Variants in ROCK2 observed in about 807,000 individuals in gnomAD.
ROCK2 encodes Rho associated coiled-coil containing protein kinase 2.
A neutral mutation model predicts 195.1 loss-of-function variants in ROCK2; 61 were observed. The ratio of observed to expected loss-of-function variants is 0.31; its 90% confidence interval spans 0.25 to 0.39. The LOEUF (loss-of-function observed/expected upper bound fraction) is 0.39, where lower values mean the gene tolerates loss of function less well. Among genes scored for constraint, ROCK2 ranks in the 10% least tolerant of loss-of-function variants. ROCK2 has a pLI of 1.00. For synonymous variants in ROCK2, 504 were observed against 545.5 expected, an observed-to-expected ratio of 0.92 and a Z score of 1.06; for missense variants, 1,109 against 1,637.4, an observed-to-expected ratio of 0.68 and a Z score of 5.57.
intron 3 of ROCK2, among the ~76,000 whole-genome samples, chr2:11,255,389 A>C (rs1665994622): frequency 6.6e-6 from 1 of 150,920 alleles, no homozygotes; most frequent in Non-Finnish European, 1.5e-5. Context: ...CAGAGTCTCT[A>C]CCATACATCC....
intron 13 of ROCK2, 59 bp downstream of exon 13, chr2:11,216,099 G>C: frequency 1.5e-6 from 2 of 1,341,946 alleles, no homozygotes; most frequent in South Asian, 2.3e-5. Context: ...CCTTAGGTAA[G>C]TCAGACATCA....
At chr2:11,221,647 CAG>C (rs1664641755) in intron 8 of ROCK2, among the ~76,000 whole-genome samples, 1 of 152,092 alleles carries the variant, frequency 6.6e-6, no homozygotes, top group Non-Finnish European at 1.5e-5. Flanking sequence ...AATCTCGAAA[CAG>C]AAATATTTCT....
intron 6 of ROCK2, among the ~76,000 whole-genome samples, 153 bp downstream of exon 6, chr2:11,227,101 T>C (rs564549774): frequency 6.6e-6 from 1 of 152,256 alleles, no homozygotes; most frequent in South Asian, 2.1e-4. Flanking sequence ...CAATTAACAG[T>C]CTGCCCTATC....
intron 1 of ROCK2, among the ~76,000 whole-genome samples, chr2:11,295,964 A>AT: frequency 1.2e-5 from 1 of 85,390 alleles, no homozygotes; most frequent in Non-Finnish European, 2.6e-5. Context: ...CTCAAAAAAC[A>AT]AAAGAGAGAG....
rs1275551589 is a variant in ROCK2, at chr2:11,235,626, T to C, written c.723+76A>G. 6.2e-6 allele frequency: 9 copies of C among 1,458,182 alleles called. No homozygotes were observed. Among genetic ancestry groups the C allele is most frequent in the East Asian group, 2.3e-5 (1 of 43,880 alleles). The allele number at this position is 1,458,182 out of a possible 1,614,324, so 90.3% of individuals were successfully genotyped here. A position where few individuals can be genotyped will look rare whatever the true frequency, so the allele number is the denominator to read the frequency against. On this transcript the variant is annotated intron_variant, in intron 5 of 32. Transcript: ENST00000315872. This position sits in a 1 kb window ranked among gnomAD's most constrained non-coding sequence, Gnocchi z 4.2. ...CTAAATTTACCTTTGTTCAAAACTATGAAGACCTGACTTAAAGTATTTCAT... is the reference window on the plus strand; with the variant it reads ...CTAAATTTACCTTTGTTCAAAACTACGAAGACCTGACTTAAAGTATTTCAT...
intron 3 of ROCK2, among the ~76,000 whole-genome samples, chr2:11,255,216 CA>C (rs70953375): frequency 0.014 from 1,486 of 109,120 alleles, 27 homozygotes; most frequent in African/African-American, 0.046. Flanking sequence ...GACCCCATCT[CA>C]AAAAAAAAAA....
At chr2:11,184,011 A>G (rs1663102389) in intron 32 of ROCK2, among the ~76,000 whole-genome samples, 1 of 152,220 alleles carries the variant, frequency 6.6e-6, no homozygotes, top group Admixed American at 6.5e-5. Context: ...AAATCCTTCT[A>G]TGTAAAAGGT....
At chr2:11,202,019 T>G (rs756802318) in intron 21 of ROCK2, 33 bp downstream of exon 21, 7 of 1,533,086 alleles carry the variant, frequency 4.6e-6, no homozygotes, top group Middle Eastern at 3.4e-4. Flanking sequence ...AAACTCTGTT[T>G]GCTATTTGCA....
chr2:11,279,967 T>A (rs1045077700), intron 3 of ROCK2, among the ~76,000 whole-genome samples: 3 of 152,172 alleles, frequency 2.0e-5, no homozygotes, highest in African/African-American at 7.2e-5. Flanking sequence ...GAAATTAAAA[T>A]ATATTTTGAA....
Position 11,344,251 on chromosome 2 carries a change from C to A in ROCK2, c.-115G>T. ...CCGGGACTCCACCCGGGCCCACCGCCTGCCTCTAGCTCCGGCTTCGGGTCT... is the reference window on the plus strand; with the variant it reads ...CCGGGACTCCACCCGGGCCCACCGCATGCCTCTAGCTCCGGCTTCGGGTCT... On this transcript the variant is annotated 5_prime_UTR_variant, in exon 1 of 33. The change creates a new upstream start codon in the 5' untranslated region. Transcript: ENST00000315872. The surrounding 1 kb of genome is among the most constrained non-coding windows in gnomAD (Gnocchi z 5.4). The A allele has an allele frequency of 7.7e-7, 1 of 1,304,748 alleles. No individual in the cohort carries two copies. The highest frequency in any genetic ancestry group is 3.2e-5 in the East Asian group (1 of 31,440). 80.8% of individuals were successfully genotyped at this position (1,304,748 alleles called of 1,614,324 possible).
chr2:11,241,454 A>C (rs1453452573), intron 4 of ROCK2, among the ~76,000 whole-genome samples: 1 of 152,140 alleles, frequency 6.6e-6, no homozygotes, highest in Non-Finnish European at 1.5e-5. Context: ...TAATGGCCTA[A>C]CTACCTCCAA....
intron 20 of ROCK2, 120 bp from the exon 21 acceptor site, chr2:11,202,241 G>T: frequency 1.3e-6 from 1 of 790,430 alleles, no homozygotes; most frequent in Non-Finnish European, 2.2e-6. Flanking sequence ...GAACCCATAA[G>T]GTCAAATCAT....
chr2:11,183,267 T>A lies in ROCK2; in HGVS notation c.*170A>T, dbSNP rs1663071150. ...ACCTGTTGCTTCAAAGGAGCCCAGATTTGTAATTTATATTACAGGGAAAAG... is the reference window on the plus strand; with the variant it reads ...ACCTGTTGCTTCAAAGGAGCCCAGAATTGTAATTTATATTACAGGGAAAAG... On this transcript the variant is annotated 3_prime_UTR_variant, in exon 33 of 33. Transcript: ENST00000315872. 1 of 522,318 alleles carries A rather than the reference T, an allele frequency of 1.9e-6. No individual in the cohort carries two copies. Among genetic ancestry groups the A allele is most frequent in the African/African-American group, 2.0e-5 (1 of 49,694 alleles). The allele number at this position is 522,318 out of a possible 1,614,324, so 32.4% of individuals were successfully genotyped here.
rs536947140 is a variant in ROCK2 at position 11,181,744 on chromosome 2, C to T, written c.*1693G>A. Reference sequence around the variant, plus strand: ...CGTCTCCTGGGTTCAAGCGATTCTCCTGTCTCAGCCTCCCAAGTAGCTGGG... The same window carrying T: ...CGTCTCCTGGGTTCAAGCGATTCTCTTGTCTCAGCCTCCCAAGTAGCTGGG... On this transcript the variant is annotated 3_prime_UTR_variant, in exon 33 of 33. Transcript: ENST00000315872. 3.3e-5 allele frequency: 5 copies of T among 151,374 alleles called. No homozygotes were observed. Among genetic ancestry groups the T allele is most frequent in the Middle Eastern group, 6.8e-3 (2 of 294 alleles). 9.4% of individuals were successfully genotyped at this position (151,374 alleles called of 1,614,324 possible).
At chr2:11,265,103 A>G (rs72787662) in intron 3 of ROCK2, among the ~76,000 whole-genome samples, 6,467 of 152,240 alleles carry the variant, frequency 0.042, 278 homozygotes, top group Non-Finnish European at 0.06. Context: ...ACCTGAAAGG[A>G]CTGTTGTGAA....
At chr2:11,214,789 T>C in intron 16 of ROCK2, 51 bp downstream of exon 16, 2 of 1,516,646 alleles carry the variant, frequency 1.3e-6, no homozygotes, top group South Asian at 1.2e-5. Context: ...AAAGTTATTT[T>C]TAAAATAAGA....
At chr2:11,206,036 G>A (rs1320560351) in intron 20 of ROCK2, among the ~76,000 whole-genome samples, 1 of 151,962 alleles carries the variant, frequency 6.6e-6, no homozygotes, top group Non-Finnish European at 1.5e-5. Flanking sequence ...TTGAACCCAG[G>A]AAGGGAAGGT....
intron 1 of ROCK2, among the ~76,000 whole-genome samples, chr2:11,317,640 A>T (rs1479839562): frequency 7.8e-5 from 5 of 64,384 alleles, no homozygotes; most frequent in African/African-American, 1.7e-4. Context: ...TTATACTTTA[A>T]GTTCTAGGGT....
At position 11,313,527 on chromosome 2, in the gene ROCK2, T is replaced by G. The variant is rs183284540; in HGVS notation, c.142-25791A>C. The stretch of plus-strand genomic sequence containing the variant: ...AATTGTCTAAATCCTGGTACCATGT[T>G]TCTATTGATATTTGAGGTTTTATGG... On this transcript the variant is annotated intron_variant, in intron 1 of 32. Transcript: ENST00000315872. Among the ~76,000 whole-genome samples the G allele has an allele frequency of 4.6e-5, 7 of 152,182 alleles. No homozygotes were observed. In the East Asian group the frequency reaches 1.2e-3, roughly 25 times the overall value.
Sources: allele counts gnomAD v4.1 joint callset (sites outside exome capture counted in the v4.1 genomes callset), GRCh38; gene constraint gnomAD v4.1.1; non-coding constraint Gnocchi (gnomAD v3.1); transcripts MANE v1.5; gene names NCBI Gene and HGNC (gene_info 2026-07-23, HGNC 2026-07-21).